SORBS2: variants seen among roughly 807,000 people sequenced by gnomAD.
SORBS2 encodes sorbin and SH3 domain-containing protein 2.
Under a neutral mutation model 97.7 loss-of-function variants are expected in SORBS2, and 46 were observed. That is an observed-to-expected ratio of 0.47 (90% CI 0.37 to 0.60). The LOEUF is 0.60. Among genes scored for constraint, SORBS2 ranks in the 20% least tolerant of loss-of-function variants. The probability of loss-of-function intolerance (pLI) is 0.00; values close to 1 mark genes in which losing one functional copy is unlikely to be tolerated. For synonymous variants in SORBS2, 476 were observed against 473.4 expected (o/e 1.01, Z -0.07); for missense variants, 1,316 against 1,282.3 (o/e 1.03, Z -0.40).
chr4:185,592,548 C>T (rs1455462553), intron 13 of SORBS2, among the ~76,000 whole-genome samples: 4 of 152,092 alleles, frequency 2.6e-5, no homozygotes, highest in South Asian at 4.2e-4. Flanking sequence ...TCCAGTTAAG[C>T]GATCTTTTTG....
At chr4:185,749,866 C>T (rs1281261955) in intron 2 of SORBS2, among the ~76,000 whole-genome samples, 1 of 152,176 alleles carries the variant, frequency 6.6e-6, no homozygotes, top group Non-Finnish European at 1.5e-5. Flanking sequence ...TCCTTATTAA[C>T]AGAAATGAGA....
intron 2 of SORBS2, among the ~76,000 whole-genome samples, chr4:185,682,832 G>T (rs544484482): frequency 6.6e-6 from 1 of 151,996 alleles, no homozygotes; most frequent in Admixed American, 6.6e-5. Context: ...CCAACATGGT[G>T]AAACCAGGTC....
intron 1 of SORBS2, among the ~76,000 whole-genome samples, chr4:185,899,457 G>A (rs1274283401): frequency 6.6e-6 from 1 of 151,792 alleles, no homozygotes; most frequent in Non-Finnish European, 1.5e-5. Flanking sequence ...TAAGAGACAG[G>A]GTCTCACTCT....
intron 12 of SORBS2, among the ~76,000 whole-genome samples, chr4:185,597,271 T>C (rs1033380852): frequency 6.6e-6 from 1 of 152,172 alleles, no homozygotes; most frequent in African/African-American, 2.4e-5. Context: ...TTGGACAAGA[T>C]GAGGGTTAAT....
Position 185,900,876 on chromosome 4 carries a change from A to T in SORBS2, c.-338+55320T>A, listed in dbSNP as rs115759107. On this transcript the variant is annotated intron_variant, in intron 1 of 20. Coordinates refer to the SORBS2 transcript ENST00000284776. Reference sequence around the variant, plus strand: ...AAACTACAGACTGCTTTTAATCTACAGCCCAAGGATAGTCCAAAAGGCAGT... The same window carrying T: ...AAACTACAGACTGCTTTTAATCTACTGCCCAAGGATAGTCCAAAAGGCAGT... 1.3e-3 allele frequency among the ~76,000 whole-genome samples: 199 copies of T among 152,314 alleles called. 2 individuals carry two copies. Among genetic ancestry groups the T allele is most frequent in the African/African-American group, 4.4e-3 (185 of 41,578 alleles).
intron 2 of SORBS2, among the ~76,000 whole-genome samples, chr4:185,768,570 G>T (rs1029403035): frequency 6.6e-6 from 1 of 151,822 alleles, no homozygotes; most frequent in African/African-American, 2.4e-5. Flanking sequence ...GTGGTGACAC[G>T]TGCCTGTAAT....
At chr4:185,869,909 A>AT (rs2099229449) in intron 1 of SORBS2, among the ~76,000 whole-genome samples, 1 of 152,208 alleles carries the variant, frequency 6.6e-6, no homozygotes, top group Non-Finnish European at 1.5e-5. Flanking sequence ...GTGTCAGTTA[A>AT]TTTATTAACA....
chr4:185,859,453 G>A (rs367620000), intron 1 of SORBS2, among the ~76,000 whole-genome samples: 8 of 152,110 alleles, frequency 5.3e-5, no homozygotes, highest in African/African-American at 1.7e-4. Context: ...AGTGCTGGGC[G>A]ATTTTACAAC....
intron 2 of SORBS2, among the ~76,000 whole-genome samples, chr4:185,694,721 T>TTTTTTTTTTTTTTTTTTC: frequency 6.9e-6 from 1 of 145,874 alleles, no homozygotes; most frequent in Non-Finnish European, 1.5e-5. Flanking sequence ...CTTTTCTTTT[T>TTTTTTTTTTTTTTTTTTC]TTTGAGACGG....
At chr4:185,793,807 C>A (rs928394686) in intron 1 of SORBS2, among the ~76,000 whole-genome samples, 41 of 152,148 alleles carry the variant, frequency 2.7e-4, no homozygotes, top group African/African-American at 8.4e-4. Context: ...TATAAGAGAA[C>A]GACTGGTCCT....
At position 185,896,253 on chromosome 4, in the gene SORBS2, C is replaced by T. The variant is rs193042892; in HGVS notation, c.-338+59943G>A. The stretch of plus-strand genomic sequence containing the variant: ...GAAAAGGGGTAATTTTTGGCATTGA[C>T]GGGTTCTGAATTAGATACAAATCCT... On this transcript the variant is annotated intron_variant, in intron 1 of 20. Transcript: ENST00000284776. Among the ~76,000 whole-genome samples, 272 of 152,284 alleles carry T rather than the reference C, an allele frequency of 1.8e-3. 1 individual carries two copies. Among genetic ancestry groups the T allele is most frequent in the South Asian group, 5.0e-3 (24 of 4,818 alleles).
chr4:185,817,042 C>T (rs553005213), intron 1 of SORBS2, among the ~76,000 whole-genome samples: 22 of 152,120 alleles, frequency 1.4e-4, no homozygotes, highest in Non-Finnish European at 3.2e-4. Context: ...AGAGCCCGGT[C>T]TTTACTGGCT....
rs1382155343 is a variant in SORBS2 at position 185,623,829 on chromosome 4, T to C, written c.1300A>G (p.Met434Val). The change falls in exon 7 of 15, where the codon ATG becomes GTG. Residue 434 changes from methionine to valine, a missense_variant. By Grantham distance (21) the Met-to-Val change is conservative. Transcript: ENST00000418609. The surrounding 1 kb of genome is among the most constrained non-coding windows in gnomAD (Gnocchi z 6.4). ...GGTTCTAGGGTTACGGGAGACAGCA[T>C]GTCATCCCCTAAATTTGGCATGGAT... 1 of 1,614,182 alleles carries C rather than the reference T, an allele frequency of 6.2e-7. No individual in the cohort carries two copies. Among genetic ancestry groups the C allele is most frequent in the Admixed American group, 1.7e-5 (1 of 60,032 alleles).
chr4:185,894,136 C>T (rs2099243871), intron 1 of SORBS2, among the ~76,000 whole-genome samples: 1 of 152,050 alleles, frequency 6.6e-6, no homozygotes, highest in Non-Finnish European at 1.5e-5. Context: ...GTAAAATATT[C>T]CGGTTTCTTT....
chr4:185,699,865 G>T (rs1418992075), intron 2 of SORBS2, among the ~76,000 whole-genome samples: 1 of 152,118 alleles, frequency 6.6e-6, no homozygotes, highest in African/African-American at 2.4e-5. Flanking sequence ...CTGCTCCATT[G>T]TTATTCAGAC....
At chr4:185,614,560 C>G (rs2096599172) in intron 11 of SORBS2, 1 of 402,236 alleles carries the variant, frequency 2.5e-6, no homozygotes, top group Non-Finnish European at 4.4e-6. Context: ...TGTATAAGTC[C>G]TTGATTTTCA....
exon 2 of SORBS2, chr4:185,652,722 C>A: frequency 6.2e-7 from 1 of 1,613,846 alleles, no homozygotes. Flanking sequence ...TTGGGCCGGT[C>A]GACTGTCTGT....
intron 4 of SORBS2, chr4:185,677,042 T>C: frequency 6.4e-7 from 1 of 1,551,350 alleles, no homozygotes; most frequent in Non-Finnish European, 8.7e-7. Context: ...CTGCAGATTT[T>C]TGTCTCTCTT....
intron 1 of SORBS2, among the ~76,000 whole-genome samples, chr4:185,949,865 C>A (rs2150024280): frequency 6.6e-6 from 1 of 152,252 alleles, no homozygotes; most frequent in South Asian, 2.1e-4. Context: ...CTCAAGTAAT[C>A]AAGGGTCCAG....
Sources: gnomAD v4.1 joint callset for allele counts (sites outside exome capture counted in the v4.1 genomes callset) on GRCh38, gnomAD v4.1.1 for gene constraint, Gnocchi (gnomAD v3.1) non-coding constraint, MANE v1.5 for transcripts, NCBI Gene and HGNC (gene_info 2026-07-23, HGNC 2026-07-21) for gene names.